The following HEATR1 variants were observed in gnomAD, a reference collection of about 807,000 sequenced individuals.
The protein encoded by HEATR1 is HEAT repeat-containing protein 1.
HEATR1 carries 77 observed loss-of-function variants against 248.2 expected under a neutral mutation model. The ratio of observed to expected loss-of-function variants is 0.31; its 90% CI spans 0.26 to 0.37. The LOEUF is 0.37. Ranked by LOEUF, HEATR1 falls within the 10% of genes least tolerant of loss-of-function variation. The pLI is 1.00. For missense variants in HEATR1, 2,420 were observed against 2,504.9 expected (o/e 0.97, Z 0.72); for synonymous variants, 897 against 923.1 (o/e 0.97, Z 0.51).
Position 236,572,719 on chromosome 1 carries a change from TCTTA to T in HEATR1, c.3563+2_3563+5del. ...AGCATGTGCTCAATGCATTTGTAGC[TCTTA>T]CTTCTGCTGCATTTTTTGCCTTCTT... On this transcript the variant is annotated splice_donor_variant and splice_donor_5th_base_variant and intron_variant, in intron 25 of 44. Coordinates refer to ENST00000366582, the MANE Select transcript of HEATR1 (RefSeq NM_018072.6). LOFTEE classifies it high-confidence loss of function. 1 of 1,613,100 alleles carries T rather than the reference TCTTA, an allele frequency of 6.2e-7. No homozygotes were observed. Among genetic ancestry groups the T allele is most frequent in the Non-Finnish European group, 8.5e-7 (1 of 1,179,030 alleles).
intron 20 of HEATR1, among the ~76,000 whole-genome samples, chr1:236,578,105 C>T (rs989134406): frequency 6.6e-5 from 10 of 152,132 alleles, no homozygotes; most frequent in African/African-American, 2.4e-4. Flanking sequence ...TTAGAAAGTA[C>T]CTCTCTCTAT....
At chr1:236,552,218 G>A (rs1030110509) in intron 43 of HEATR1, 111 bp from the exon 44 acceptor site, 13 of 637,350 alleles carry the variant, frequency 2.0e-5, no homozygotes, top group Middle Eastern at 3.3e-4. Flanking sequence ...TAGTTCACAT[G>A]CGTTTATTCA....
At chr1:236,604,222 A>G in intron 1 of HEATR1, 95 bp from the exon 2 acceptor site, 1 of 987,372 alleles carries the variant, frequency 1.0e-6, no homozygotes, top group Non-Finnish European at 1.4e-6. Context: ...CGTCATGGAC[A>G]CACAACGCGG....
At position 236,574,251 on chromosome 1, in the gene HEATR1, T is replaced by C. The variant is rs767386827; in HGVS notation, c.3410A>G (p.Asn1137Ser). The C allele has an allele frequency of 5.0e-6, 8 of 1,612,920 alleles. No individual in the cohort carries two copies. Among genetic ancestry groups the C allele is most frequent in the South Asian group, 4.4e-5 (4 of 90,860 alleles). ...LLRMLFDLLV[N>S]CKNSHCAQTV... ...CTGAGCACAATGTGAGTTTTTACAG[T>C]TCACCAATAAATCAAACAACATTCT... Residue 1137 changes from asparagine (N) to serine (S), a missense_variant, in exon 24 of 45, where the codon AAC becomes AGC. Asn to Ser is a conservative substitution (Grantham distance 46). Transcript: ENST00000366582.
At chr1:236,553,774 G>T (rs572829428) in intron 42 of HEATR1, 35 bp from the exon 43 acceptor site, 3 of 1,568,740 alleles carry the variant, frequency 1.9e-6, no homozygotes, top group East Asian at 4.5e-5. Context: ...TGAACAACAA[G>T]TCTCATTTCT....
At chr1:236,563,406 C>T (rs775710265) in intron 32 of HEATR1, among the ~76,000 whole-genome samples, 11 of 152,062 alleles carry the variant, frequency 7.2e-5, no homozygotes, top group Middle Eastern at 3.2e-3. Context: ...CTCAGCCTCC[C>T]GAGTAGCTGG....
Position 236,585,177 on chromosome 1 carries a change from TA to T in HEATR1, c.2088del (p.Phe696LeufsTer3). 6.2e-7 allele frequency: 1 copy of T among 1,613,906 alleles called. No individual in the cohort carries two copies. The highest frequency in any genetic ancestry group is 8.5e-7 in the Non-Finnish European group (1 of 1,179,890). Reference protein sequence around the residue: ...DLISVGEEESFNLKQKVTFHV... With the variant: ...DLISVGEEESXNLKQKVTFHV... Reference sequence around the variant, plus strand: ...TGAAACGTTACTTTCTGCTTCAGGTTAAAGGACTCCTCCTCACCCACGCTTA... The same window carrying T: ...TGAAACGTTACTTTCTGCTTCAGGTTAAGGACTCCTCCTCACCCACGCTTA... On this transcript the variant is annotated frameshift_variant, in exon 17 of 45. Coordinates refer to ENST00000366582, the MANE Select transcript of HEATR1 (RefSeq NM_018072.6). LOFTEE classifies it high-confidence loss of function.
In HEATR1 at chr1:236,594,117, T is replaced by C. The variant is rs764015455; in HGVS notation, c.1091-3A>G. 6.5e-6 allele frequency: 10 copies of C among 1,542,290 alleles called. No individual in the cohort carries two copies. The highest frequency in any genetic ancestry group is 8.8e-6 in the Non-Finnish European group (10 of 1,136,174). The stretch of plus-strand genomic sequence containing the variant: ...ATCCATTCCTTCAGTTTCTTCTCCT[T>C]AATATGTAAAAATTAAAATTGTGTT... On this transcript the variant is annotated splice_polypyrimidine_tract_variant and splice_region_variant and intron_variant, in intron 8 of 44. Transcript: ENST00000366582.
At chr1:236,577,482 C>T (rs1011434710) in intron 20 of HEATR1, among the ~76,000 whole-genome samples, 2 of 125,220 alleles carry the variant, frequency 1.6e-5, no homozygotes, top group African/African-American at 5.8e-5. Context: ...ATCCAAATTA[C>T]ATCATTCTTT....
chr1:236,595,244 T>A (rs1664145122), intron 8 of HEATR1, among the ~76,000 whole-genome samples: 1 of 152,174 alleles, frequency 6.6e-6, no homozygotes. Context: ...AAAGGTTTAC[T>A]CAGTAATAAA....
chr1:236,598,184 AGAG>A lies in HEATR1; in HGVS notation c.502-208_502-206del, dbSNP rs577325040. Reference sequence around the variant, plus strand: ...AAAAGAGAAGGTCAGCAATGAGGGCAGAGGTATTTAGTGAAAGATGTTTGCTTA... The same window carrying A: ...AAAAGAGAAGGTCAGCAATGAGGGCAGTATTTAGTGAAAGATGTTTGCTTA... On this transcript the variant is annotated intron_variant, in intron 4 of 44. Coordinates refer to ENST00000366582, the MANE Select transcript of HEATR1 (RefSeq NM_018072.6). Among the ~76,000 whole-genome samples, 440 of 152,370 alleles carry A rather than the reference AGAG, an allele frequency of 2.9e-3. 5 individuals carry two copies. The highest frequency in any genetic ancestry group is 1.0e-2 in the African/African-American group (414 of 41,590).
chr1:236,574,022 A>C, intron 24 of HEATR1, 180 bp downstream of exon 24: 1 of 443,114 alleles, frequency 2.3e-6, no homozygotes, highest in Non-Finnish European at 3.9e-6. Context: ...AAATAAAATA[A>C]TGGTAAAGAT....
chr1:236,568,426 G>A (rs1051244362), intron 29 of HEATR1, among the ~76,000 whole-genome samples: 2 of 152,188 alleles, frequency 1.3e-5, no homozygotes, highest in African/African-American at 2.4e-5. Context: ...ATTAACAAGT[G>A]AAGGGTACAT....
chr1:236,553,515 C>CCTG (rs1662845649), intron 43 of HEATR1, 66 bp downstream of exon 43: 1 of 1,497,360 alleles, frequency 6.7e-7, no homozygotes, highest in Non-Finnish European at 9.1e-7. Flanking sequence ...TCTGTGACCA[C>CCTG]CTGCAGGCTG....
chr1:236,553,447 C>T, intron 43 of HEATR1, 134 bp downstream of exon 43: 1 of 925,404 alleles, frequency 1.1e-6, no homozygotes, highest in Non-Finnish European at 1.6e-6. Flanking sequence ...GACCGGACCT[C>T]TAGTACTGGA....
intron 43 of HEATR1, 75 bp downstream of exon 43, chr1:236,553,506 C>T: frequency 7.0e-7 from 1 of 1,434,888 alleles, no homozygotes; most frequent in Non-Finnish European, 9.5e-7. Flanking sequence ...GGGCCTACAT[C>T]TGTGACCACC....
chr1:236,583,018 G>A lies in HEATR1; in HGVS notation c.2420C>T (p.Pro807Leu), dbSNP rs1206406771. 6 of 1,613,472 alleles carry A rather than the reference G, an allele frequency of 3.7e-6. No individual in the cohort carries two copies. The South Asian group carries it at 6.6e-5, about 18-fold the overall frequency. Residue 807 changes from proline (P) to leucine (L), a missense_variant, in exon 18 of 45, where the codon CCT (proline) becomes CTT (leucine). Transcript: ENST00000366582. ...ATTCACAGCTTGTATCTTACCTTTAGGAAAAGATTTAGGAGCTTTCAGTGC... is the reference window on the plus strand; with the variant it reads ...ATTCACAGCTTGTATCTTACCTTTAAGAAAAGATTTAGGAGCTTTCAGTGC... ...IYALKAPKSF[P>L]KGDIWWNPEQ...
intron 21 of HEATR1, 45 bp from the exon 22 acceptor site, chr1:236,576,422 T>A: frequency 7.4e-7 from 1 of 1,352,992 alleles, no homozygotes; most frequent in Non-Finnish European, 1.0e-6. Flanking sequence ...GTTAAGAAAC[T>A]ACAAAGGCTA....
At chr1:236,559,281 C>T (rs1663059130) in intron 34 of HEATR1, 146 bp from the exon 35 acceptor site, 2 of 628,300 alleles carry the variant, frequency 3.2e-6, no homozygotes, top group Non-Finnish European at 5.0e-6. Flanking sequence ...TTAAAATAAC[C>T]TTTCAGGTAG....
Sources: gnomAD v4.1 joint callset for allele counts (sites outside exome capture counted in the v4.1 genomes callset) on GRCh38, gnomAD v4.1.1 for gene constraint, MANE v1.5 for transcripts, NCBI Gene and HGNC (gene_info 2026-07-23, HGNC 2026-07-21) for gene names.